MTUS2: variants seen among roughly 807,000 people sequenced by gnomAD.
MTUS2 encodes the protein microtubule associated scaffold protein 2, also known as microtubule-associated tumor suppressor candidate 2.
In MTUS2, 40 loss-of-function variants were observed where a neutral mutation model predicts 114.1. The ratio of observed to expected loss-of-function variants is 0.35; its 90% CI spans 0.27 to 0.46. The LOEUF (loss-of-function observed/expected upper bound fraction) is 0.46. Among genes scored for constraint, MTUS2 ranks in the 20% least tolerant of loss-of-function variants. The pLI, the probability that MTUS2 is intolerant of heterozygous loss-of-function variation, is 1.00. For synonymous variants in MTUS2, 688 were observed against 672.0 expected (o/e 1.02, Z -0.37); for missense variants, 1,679 against 1,705.4 (o/e 0.98, Z 0.27).
intron 8 of MTUS2, among the ~76,000 whole-genome samples, chr13:29,398,283 A>C (rs1379102955): frequency 1.3e-5 from 2 of 152,064 alleles, no homozygotes; most frequent in Admixed American, 6.5e-5. Flanking sequence ...CAACATGGCG[A>C]AATCTCGTCT....
In MTUS2 at chr13:28,962,198, C is replaced by T. The variant is rs138654912; in HGVS notation, c.-242-62259C>T. Among the ~76,000 whole-genome samples, 759 of 151,796 alleles carry T rather than the reference C, an allele frequency of 5.0e-3. 5 individuals are homozygous for T. Among genetic ancestry groups the T allele is most frequent in the African/African-American group, 0.017 (711 of 41,412 alleles). On this transcript the variant is annotated intron_variant, in intron 2 of 15. Coordinates refer to ENST00000612955, the MANE Select transcript of MTUS2 (RefSeq NM_001033602.4). ...GTACTAGCTTACATGATGGGAAAAGCGTGTATGTGTATATATATGATTCTT... is the reference window on the plus strand; with the variant it reads ...GTACTAGCTTACATGATGGGAAAAGTGTGTATGTGTATATATATGATTCTT...
At chr13:29,373,732 T>C (rs1871366582) in intron 8 of MTUS2, among the ~76,000 whole-genome samples, 1 of 152,228 alleles carries the variant, frequency 6.6e-6, no homozygotes, top group Non-Finnish European at 1.5e-5. Context: ...GAACTCTACC[T>C]CACTGACTGC....
At chr13:29,281,419 C>CTGTG (rs10682778) in intron 5 of MTUS2, among the ~76,000 whole-genome samples, 3,601 of 146,604 alleles carry the variant, frequency 0.025, 108 homozygotes, top group East Asian at 0.071. Flanking sequence ...GTATGTATGT[C>CTGTG]TGTGTGTGTG....
chr13:29,345,634 T>G (rs1216861386), intron 7 of MTUS2, among the ~76,000 whole-genome samples: 2 of 152,140 alleles, frequency 1.3e-5, no homozygotes, highest in Non-Finnish European at 2.9e-5. Context: ...ATACTCAAAC[T>G]TCTGAATTAT....
chr13:29,486,995 G>GGGGTA (rs1881660083), intron 10 of MTUS2, among the ~76,000 whole-genome samples: 1 of 152,230 alleles, frequency 6.6e-6, no homozygotes, highest in African/African-American at 2.4e-5. Flanking sequence ...AGGCAGGTGA[G>GGGGTA]GGGTAGGGGA....
At chr13:29,333,119 C>T (rs1441871496) in intron 7 of MTUS2, among the ~76,000 whole-genome samples, 1 of 152,190 alleles carries the variant, frequency 6.6e-6, no homozygotes, top group Admixed American at 6.5e-5. Flanking sequence ...GCTTTAATTT[C>T]ATTCCTTACC....
intron 6 of MTUS2, among the ~76,000 whole-genome samples, chr13:29,286,701 A>T (rs1463872060): frequency 2.2e-5 from 1 of 44,900 alleles, no homozygotes; most frequent in Non-Finnish European, 4.3e-5. Context: ...TATCTATCTT[A>T]CTTATTTGAG....
In MTUS2 at chr13:29,025,274, G is replaced by A. The variant is rs774326893; in HGVS notation, c.576G>A (p.Pro192=). 37 of 1,613,796 alleles carry A rather than the reference G, an allele frequency of 2.3e-5. No homozygotes were observed. The East Asian group carries it at 4.2e-4, about 18-fold the overall frequency. ...TAGCTGCAGTCGGGAGCCTGACTCC[G>A]CAGCATCCACAGCCTCTATCCCTCG... The part of the protein sequence containing the change: ...SSVAAVGSLT[P]QHPQPLSLDS... The change falls in exon 3 of 16, where the codon CCG becomes CCA. Residue 192 remains proline, a synonymous_variant. Transcript: ENST00000612955.
intron 5 of MTUS2, among the ~76,000 whole-genome samples, chr13:29,244,678 C>T (rs1177639374): frequency 1.1e-4 from 16 of 152,142 alleles, no homozygotes; most frequent in Admixed American, 3.3e-4. Context: ...AAGTCTGGGC[C>T]GGGCGCGGTG....
chr13:29,057,255 G>T (rs191353322), intron 4 of MTUS2, among the ~76,000 whole-genome samples: 1 of 152,208 alleles, frequency 6.6e-6, no homozygotes, highest in Non-Finnish European at 1.5e-5. Flanking sequence ...ATGTGCAGAA[G>T]AGAAGATTGT....
At chr13:29,262,789 A>G (rs1367863045) in intron 5 of MTUS2, among the ~76,000 whole-genome samples, 1 of 152,132 alleles carries the variant, frequency 6.6e-6, no homozygotes, top group African/African-American at 2.4e-5. Context: ...AGATATTTCC[A>G]TAAGGCTTGC....
At chr13:29,266,386 C>G (rs980865145) in intron 5 of MTUS2, among the ~76,000 whole-genome samples, 1 of 152,136 alleles carries the variant, frequency 6.6e-6, no homozygotes, top group African/African-American at 2.4e-5. Flanking sequence ...GCCTTTCAAA[C>G]TTTATCAAAC....
chr13:29,352,507 C>G (rs1191812006), intron 7 of MTUS2, among the ~76,000 whole-genome samples: 1 of 152,062 alleles, frequency 6.6e-6, no homozygotes, highest in African/African-American at 2.4e-5. Flanking sequence ...TAAAATTTGC[C>G]CTTTTCAAGT....
chr13:29,412,251 T>C (rs1409649443), intron 8 of MTUS2, among the ~76,000 whole-genome samples: 1 of 152,222 alleles, frequency 6.6e-6, no homozygotes, highest in Non-Finnish European at 1.5e-5. Context: ...TTTATCAAGT[T>C]AAGAAAACAC....
intron 5 of MTUS2, among the ~76,000 whole-genome samples, chr13:29,241,874 G>C (rs1896747569): frequency 6.6e-6 from 1 of 152,132 alleles, no homozygotes; most frequent in South Asian, 2.1e-4. Context: ...ATTTCTGGGT[G>C]GGCAGGGGAG....
At chr13:29,452,903 T>C (rs1259099271) in intron 9 of MTUS2, among the ~76,000 whole-genome samples, 1 of 152,130 alleles carries the variant, frequency 6.6e-6, no homozygotes, top group African/African-American at 2.4e-5. Context: ...TCCATAAATC[T>C]AATATTTAAA....
chr13:29,061,949 C>T (rs535616374), intron 4 of MTUS2, among the ~76,000 whole-genome samples: 1 of 152,208 alleles, frequency 6.6e-6, no homozygotes, highest in African/African-American at 2.4e-5. Flanking sequence ...TAGTTCCAGG[C>T]TATTTTTTAT....
chr13:29,030,863 T>A (rs1195503341), intron 3 of MTUS2, among the ~76,000 whole-genome samples: 1 of 152,122 alleles, frequency 6.6e-6, no homozygotes, highest in Non-Finnish European at 1.5e-5. Flanking sequence ...TAAGCACTCT[T>A]CTGAGAGAGG....
At chr13:29,371,847 T>G (rs1871209580) in intron 8 of MTUS2, among the ~76,000 whole-genome samples, 1 of 152,098 alleles carries the variant, frequency 6.6e-6, no homozygotes, top group East Asian at 1.9e-4. Context: ...ATCAATAAGC[T>G]GTAGAATCAA....
Sources: allele counts gnomAD v4.1 joint callset (sites outside exome capture counted in the v4.1 genomes callset), GRCh38; gene constraint gnomAD v4.1.1; transcripts MANE v1.5; gene names NCBI Gene and HGNC (gene_info 2026-07-23, HGNC 2026-07-21).